The following WWOX variants were observed in gnomAD, a reference collection of about 807,000 sequenced individuals.
WWOX encodes WW domain containing oxidoreductase, also known as WW domain-containing oxidoreductase.
WWOX carries 69 observed loss-of-function variants against 46.2 expected under a neutral mutation model. That is an observed-to-expected ratio of 1.49 (90% CI 1.23 to 1.82). The LOEUF (loss-of-function observed/expected upper bound fraction) is 1.82, where lower values mean the gene tolerates loss of function less well. Among genes scored for constraint, WWOX ranks in the 40% most tolerant of loss-of-function variants. The probability of loss-of-function intolerance (pLI) is 0.00; values close to 1 mark genes in which losing one functional copy is unlikely to be tolerated. For missense variants in WWOX, 919 were observed against 542.6 expected (o/e 1.69, Z -6.89); for synonymous variants, 359 against 202.6 (o/e 1.77, Z -6.56).
chr16:78,393,456 T>A (rs2082218610), intron 6 of WWOX, among the ~76,000 whole-genome samples: 1 of 151,796 alleles, frequency 6.6e-6, no homozygotes. Context: ...CCCAGAAACG[T>A]GAGACCAGCC....
chr16:78,553,418 C>T (rs2044219157), intron 8 of WWOX: 1 of 152,088 alleles, frequency 6.6e-6, no homozygotes, highest in African/African-American at 2.4e-5. Flanking sequence ...GGTGTCTGAC[C>T]CATGGCTATG....
At chr16:78,393,647 G>C (rs2082224324) in intron 6 of WWOX, among the ~76,000 whole-genome samples, 2 of 152,102 alleles carry the variant, frequency 1.3e-5, no homozygotes, top group African/African-American at 4.8e-5. Flanking sequence ...GTATAATACT[G>C]ACCAAGGGTT....
At chr16:78,811,288 C>G (rs1447050116) in intron 8 of WWOX, among the ~76,000 whole-genome samples, 1 of 152,152 alleles carries the variant, frequency 6.6e-6, no homozygotes, top group Non-Finnish European at 1.5e-5. Flanking sequence ...CCTTCATTCT[C>G]TCTGTGATTC....
At chr16:78,440,235 G>C (rs1262356081) in intron 8 of WWOX, among the ~76,000 whole-genome samples, 1 of 152,156 alleles carries the variant, frequency 6.6e-6, no homozygotes, top group Non-Finnish European at 1.5e-5. Context: ...GAAGAAGTGA[G>C]AATTGAAATG....
At chr16:78,683,703 C>G (rs2047785967) in intron 8 of WWOX, among the ~76,000 whole-genome samples, 1 of 152,118 alleles carries the variant, frequency 6.6e-6, no homozygotes, top group African/African-American at 2.4e-5. Context: ...CGCCTCACCT[C>G]TTGTTTTCAA....
In WWOX at chr16:79,212,225, A is replaced by C. The variant is rs975367898; in HGVS notation, c.*429A>C. On this transcript the variant is annotated 3_prime_UTR_variant, in exon 9 of 9. Transcript: ENST00000566780. ...CTTAGGGAAGAAAAAGCAAGTGTTC[A>C]CTGCTCCTTGCTGCATTGATCCAGG... 7.2e-7 allele frequency: 1 copy of C among 1,398,264 alleles called. No individual in the cohort carries two copies. Among genetic ancestry groups the C allele is most frequent in the Admixed American group, 2.8e-5 (1 of 35,994 alleles). 86.6% of individuals were successfully genotyped at this position (1,398,264 alleles called of 1,614,324 possible). A position where few individuals can be genotyped will look rare whatever the true frequency, so the allele number is the denominator to read the frequency against.
chr16:78,351,435 G>A (rs1338604363), intron 5 of WWOX, among the ~76,000 whole-genome samples: 1 of 152,196 alleles, frequency 6.6e-6, no homozygotes, highest in Non-Finnish European at 1.5e-5. Context: ...AACCTTGCCT[G>A]GCCCCCAGGG....
intron 8 of WWOX, among the ~76,000 whole-genome samples, chr16:78,814,666 C>T (rs779717096): frequency 1.3e-5 from 2 of 152,176 alleles, no homozygotes; most frequent in African/African-American, 2.4e-5. Context: ...TGGGAGAAAC[C>T]AGCGTGACAT....
At chr16:78,305,280 G>A (rs1327448853) in intron 5 of WWOX, among the ~76,000 whole-genome samples, 3 of 152,038 alleles carry the variant, frequency 2.0e-5, no homozygotes, top group African/African-American at 7.2e-5. Context: ...CTGCTGTGAT[G>A]ATCCTCCCTT....
In WWOX at chr16:78,560,300, G is replaced by A. The variant is rs2044404667; in HGVS notation, c.1056+127548G>A. On this transcript the variant is annotated intron_variant, in intron 8 of 8. Transcript: ENST00000566780. ...ACGGCAGAGAAAAACAATTACACTA[G>A]CTGCTGGTCTGTATTTACTGGTTAG... 2.0e-5 allele frequency among the ~76,000 whole-genome samples: 3 copies of A among 152,230 alleles called. No homozygotes were observed. The South Asian group carries it at 6.2e-4, about 32-fold the overall frequency.
At chr16:78,546,162 A>G (rs750048492) in intron 8 of WWOX, among the ~76,000 whole-genome samples, 4 of 152,212 alleles carry the variant, frequency 2.6e-5, no homozygotes, top group African/African-American at 9.7e-5. Context: ...ACAAAAAGCT[A>G]ATACTATGAC....
intron 8 of WWOX, among the ~76,000 whole-genome samples, chr16:79,013,453 C>G (rs1368671893): frequency 6.6e-6 from 1 of 152,086 alleles, no homozygotes; most frequent in Non-Finnish European, 1.5e-5. Flanking sequence ...CTTTGTTTCT[C>G]TTTTTCTGTG....
intron 8 of WWOX, among the ~76,000 whole-genome samples, chr16:79,155,668 G>T (rs1023964582): frequency 2.0e-5 from 3 of 152,108 alleles, no homozygotes; most frequent in African/African-American, 7.2e-5. Context: ...TGTGTACAAA[G>T]TGCAGATTTG....
chr16:78,696,895 A>G (rs552455285), intron 8 of WWOX, among the ~76,000 whole-genome samples: 2 of 152,144 alleles, frequency 1.3e-5, no homozygotes, highest in Non-Finnish European at 2.9e-5. Flanking sequence ...GCTCCCACTT[A>G]TAAGTGAAAA....
chr16:78,857,732 C>G (rs949422032), intron 8 of WWOX, among the ~76,000 whole-genome samples: 3 of 152,164 alleles, frequency 2.0e-5, no homozygotes, highest in Non-Finnish European at 4.4e-5. Context: ...TATAATAAAA[C>G]TTTGACTCAT....
At chr16:78,994,495 A>C (rs573905632) in intron 8 of WWOX, 1 of 152,354 alleles carries the variant, frequency 6.6e-6, no homozygotes, top group Non-Finnish European at 1.5e-5. Context: ...GCACCGAGGT[A>C]CTTATCTGAC....
chr16:79,000,210 G>A (rs1194727538), intron 8 of WWOX, among the ~76,000 whole-genome samples: 3 of 152,100 alleles, frequency 2.0e-5, no homozygotes, highest in Admixed American at 2.0e-4. Context: ...CACGTCATTG[G>A]CAGCTCATCT....
intron 8 of WWOX, among the ~76,000 whole-genome samples, chr16:78,629,018 C>CA (rs1474326697): frequency 6.6e-6 from 1 of 152,274 alleles, no homozygotes; most frequent in Non-Finnish European, 1.5e-5. Flanking sequence ...GAACCCGTTC[C>CA]AAAAACTGGA....
At chr16:78,643,826 C>CA (rs5818156) in intron 8 of WWOX, among the ~76,000 whole-genome samples, 65,516 of 138,388 alleles carry the variant, frequency 0.47, 16,205 homozygotes, top group Middle Eastern at 0.66. Flanking sequence ...CCCCTAACTC[C>CA]AAAAAAAAAA....
Sources: allele counts gnomAD v4.1 joint callset (sites outside exome capture counted in the v4.1 genomes callset), GRCh38; gene constraint gnomAD v4.1.1; transcripts MANE v1.5; gene names NCBI Gene and HGNC (gene_info 2026-07-23, HGNC 2026-07-21).